RBBP8NL: variants seen among roughly 807,000 people sequenced by gnomAD.
RBBP8NL encodes RBBP8 N-terminal like.
Under a neutral mutation model 62.2 loss-of-function variants are expected in RBBP8NL, and 59 were observed. That is an observed-to-expected ratio of 0.95 (90% CI 0.77 to 1.18). The LOEUF (loss-of-function observed/expected upper bound fraction) is 1.18, where lower values mean the gene tolerates loss of function less well. Ranked by LOEUF, RBBP8NL falls within the 50% of genes most tolerant of loss-of-function variation. RBBP8NL has a pLI of 0.00. For synonymous variants in RBBP8NL, 412 were observed against 394.1 expected (o/e 1.05, Z -0.54); for missense variants, 896 against 899.5 (o/e 1.00, Z 0.05).
chr20:62,414,667 G>A lies in RBBP8NL; in HGVS notation c.795-111C>T, dbSNP rs931274714. ...CCCACTCCACAGGCGAGGAAACTGA[G>A]GTCCAGAGAGGTGCAGCAAGCTGCA... On this transcript the variant is annotated intron_variant, in intron 9 of 13. Coordinates refer to ENST00000252998, the MANE Select transcript of RBBP8NL (RefSeq NM_080833.3). 4 of 1,240,694 alleles carry A rather than the reference G, an allele frequency of 3.2e-6. No homozygotes were observed. In the African/African-American group the frequency reaches 4.6e-5, roughly 14 times the overall value. The allele number at this position is 1,240,694 out of a possible 1,614,324, so 76.9% of individuals were successfully genotyped here.
At chr20:62,411,740 G>A (rs889081952) in intron 13 of RBBP8NL, among the ~76,000 whole-genome samples, 1 of 152,254 alleles carries the variant, frequency 6.6e-6, no homozygotes, top group African/African-American at 2.4e-5. Context: ...TCCCGGCTCA[G>A]GTAGGAGCAC....
At position 62,414,366 on chromosome 20, in the gene RBBP8NL, C is replaced by A. The variant is rs1457283765; in HGVS notation, c.985G>T (p.Ala329Ser). 1.3e-6 allele frequency: 2 copies of A among 1,550,102 alleles called. No homozygotes were observed. The highest frequency in any genetic ancestry group is 4.8e-5 in the East Asian group (2 of 41,668). ...LQDLKAREAEAWEEPTELLGL... is the reference protein window; with the variant it reads ...LQDLKAREAESWEEPTELLGL... ...AGCAGTTCTGTGGGCTCCTCCCAGG[C>A]CTCTGCTTCTCTGGCCTTCAGGTCC... is the stretch of plus-strand genomic sequence containing the variant. Residue 329 changes from alanine (A) to serine (S), a missense_variant, in exon 10 of 14, where the codon GCC (alanine) becomes TCC (serine). Ala to Ser is a moderately conservative substitution (Grantham distance 99). Transcript: ENST00000252998.
chr20:62,416,888 C>T lies in RBBP8NL; in HGVS notation c.201-16G>A, dbSNP rs202005416. On this transcript the variant is annotated splice_polypyrimidine_tract_variant and intron_variant, in intron 4 of 13. Transcript: ENST00000252998. The stretch of plus-strand genomic sequence containing the variant: ...GGCCCGCAGCCTGCAGGGATGGGGA[C>T]GCAGGGGGTGTGAGGGATGGCACGG... The T allele has an allele frequency of 9.0e-5, 138 of 1,533,732 alleles. No homozygotes were observed. The highest frequency in any genetic ancestry group is 8.8e-4 in the South Asian group (74 of 84,034).
chr20:62,416,463 G>A (rs775265102), intron 5 of RBBP8NL, among the ~76,000 whole-genome samples: 1 of 152,218 alleles, frequency 6.6e-6, no homozygotes, highest in Non-Finnish European at 1.5e-5. Context: ...TTGGTCATCA[G>A]GAGGGCCACT....
intron 9 of RBBP8NL, among the ~76,000 whole-genome samples, chr20:62,414,823 G>A (rs572803565): frequency 1.3e-5 from 2 of 152,328 alleles, no homozygotes; most frequent in South Asian, 4.1e-4. Context: ...AGGCCTCCGT[G>A]TCTTCTTGGC....
intron 2 of RBBP8NL, among the ~76,000 whole-genome samples, chr20:62,418,962 G>A (rs1988641037): frequency 1.3e-5 from 2 of 152,148 alleles, no homozygotes; most frequent in Admixed American, 1.3e-4. Context: ...AGGTGGGTGT[G>A]GGTGCTCAGT....
chr20:62,420,644 T>G (rs1394962731), intron 1 of RBBP8NL, among the ~76,000 whole-genome samples: 1 of 151,950 alleles, frequency 6.6e-6, no homozygotes, highest in Non-Finnish European at 1.5e-5. Flanking sequence ...TGTGCAGACA[T>G]AGAGACACAG....
chr20:62,421,595 G>GAGTGTGGCA, intron 1 of RBBP8NL, among the ~76,000 whole-genome samples: 1 of 151,438 alleles, frequency 6.6e-6, no homozygotes, highest in Non-Finnish European at 1.5e-5. Context: ...CAGTGTGCAT[G>GAGTGTGGCA]TGTGTGGCAT....
chr20:62,421,900 A>G (rs1051520374), intron 1 of RBBP8NL, among the ~76,000 whole-genome samples: 1 of 151,564 alleles, frequency 6.6e-6, no homozygotes, highest in Admixed American at 6.6e-5. Flanking sequence ...TGCGTGCCCA[A>G]GCCAGTGTGC....
intron 3 of RBBP8NL, 60 bp from the exon 4 acceptor site, chr20:62,417,379 C>G: frequency 7.3e-7 from 1 of 1,368,354 alleles, no homozygotes; most frequent in African/African-American, 1.9e-5. Context: ...CACGCTGTCC[C>G]CACCATCCAG....
chr20:62,416,747 G>T lies in RBBP8NL; in HGVS notation c.313+13C>A, dbSNP rs1056767607. 2 of 1,554,984 alleles carry T rather than the reference G, an allele frequency of 1.3e-6. No individual in the cohort carries two copies. The highest frequency in any genetic ancestry group is 1.8e-6 in the Non-Finnish European group (2 of 1,142,472). Reference sequence around the variant, plus strand: ...TGGGAGAGGACCCCGGTTGTCTGGTGGGTGGGGCTCACTGAGGATGAAGAT... The same window carrying T: ...TGGGAGAGGACCCCGGTTGTCTGGTTGGTGGGGCTCACTGAGGATGAAGAT... On this transcript the variant is annotated intron_variant, in intron 5 of 13. Transcript: ENST00000252998.
Position 62,414,380 on chromosome 20 carries a change from G to A in RBBP8NL, c.971C>T (p.Ala324Val). The change falls in exon 10 of 14, where the codon GCC becomes GTC. Residue 324 changes from alanine to valine, a missense_variant. Ala to Val is a moderately conservative substitution (Grantham distance 64). Coordinates refer to ENST00000252998, the MANE Select transcript of RBBP8NL (RefSeq NM_080833.3). ...PSDPRLQDLK[A>V]REAEAWEEPT... is the part of the protein sequence containing the mutation. ...CTCCTCCCAGGCCTCTGCTTCTCTGGCCTTCAGGTCCTGGAGCCGGGGGTC... is the reference window on the plus strand; with the variant it reads ...CTCCTCCCAGGCCTCTGCTTCTCTGACCTTCAGGTCCTGGAGCCGGGGGTC... 1.9e-6 allele frequency: 3 copies of A among 1,544,212 alleles called. No individual in the cohort carries two copies. Among genetic ancestry groups the A allele is most frequent in the Non-Finnish European group, 2.6e-6 (3 of 1,140,526 alleles).
chr20:62,413,782 G>A, intron 10 of RBBP8NL, 39 bp downstream of exon 10: 1 of 1,545,132 alleles, frequency 6.5e-7, no homozygotes, highest in Non-Finnish European at 8.7e-7. Flanking sequence ...GGGACGTGGA[G>A]GCTGAGGACC....
intron 1 of RBBP8NL, among the ~76,000 whole-genome samples, chr20:62,421,238 C>G (rs940174172): frequency 7.3e-5 from 11 of 151,136 alleles, no homozygotes; most frequent in African/African-American, 2.7e-4. Flanking sequence ...TGTGCACGCC[C>G]GAGCCAGTGT....
At chr20:62,416,294 T>TGGGGTGGGGGGGCCGGGGGGGGGGGGG in intron 5 of RBBP8NL, 58 bp from the exon 6 acceptor site, 1 of 515,308 alleles carries the variant, frequency 1.9e-6, no homozygotes, top group Non-Finnish European at 3.8e-6. Context: ...GGGGCAGGGG[T>TGGGGTGGGGGGGCCGGGGGGGGGGGGG]GGGGTCGTCA....
In RBBP8NL at chr20:62,412,696, A is replaced by G. The variant is rs1309779422; in HGVS notation, c.1804T>C (p.Cys602Arg). Reference protein sequence around the residue: ...TTSTTGEGPECICTQEHGQGP... With the variant: ...TTSTTGEGPERICTQEHGQGP... ...TGCCCGTGCTCCTGGGTGCAGATGC[A>G]CTCAGGCCCCTCCCCGGTCGTGCTC... Residue 602 changes from cysteine to arginine, a missense_variant, in exon 13 of 14, where the codon TGC (cysteine) becomes CGC (arginine). Physicochemically the swap from Cys to Arg is radical, Grantham distance 180. Transcript: ENST00000252998. 3.7e-6 allele frequency: 6 copies of G among 1,609,460 alleles called. No homozygotes were observed. The highest frequency in any genetic ancestry group is 5.1e-6 in the Non-Finnish European group (6 of 1,179,880).
chr20:62,420,384 ACAC>A (rs1988674074), intron 1 of RBBP8NL, among the ~76,000 whole-genome samples: 1 of 151,388 alleles, frequency 6.6e-6, no homozygotes, highest in African/African-American at 2.4e-5. Flanking sequence ...ACACACACAC[ACAC>A]ACACACAGAT....
rs898664800 is a variant in RBBP8NL at position 62,413,992 on chromosome 20, C to T, written c.1359G>A (p.Gln453=). 1.3e-6 allele frequency: 2 copies of T among 1,570,176 alleles called. No individual in the cohort carries two copies. The highest frequency in any genetic ancestry group is 1.7e-6 in the Non-Finnish European group (2 of 1,158,902). Residue 453 remains glutamine (Q), a synonymous_variant, in exon 10 of 14, where the codon CAG becomes CAA. Transcript: ENST00000252998. ...GCTGGCCGGCCGGCTTGGGAGTGTC[C>T]TGGCCCCGGGCCCGGCCCCACTCCG... The part of the protein sequence containing the change: ...DLSEWGRARG[Q]DTPKPAGQHG...
intron 1 of RBBP8NL, among the ~76,000 whole-genome samples, chr20:62,426,625 T>TG (rs1988814246): frequency 6.6e-6 from 1 of 152,240 alleles, no homozygotes; most frequent in African/African-American, 2.4e-5. Flanking sequence ...CCATGGAGAC[T>TG]TCGGCCAGGT....
Sources: gnomAD v4.1 joint callset for allele counts (sites outside exome capture counted in the v4.1 genomes callset) on GRCh38, gnomAD v4.1.1 for gene constraint, MANE v1.5 for transcripts, NCBI Gene and HGNC (gene_info 2026-07-23, HGNC 2026-07-21) for gene names.